The following MMS19 variants were observed in gnomAD, a reference collection of about 807,000 sequenced individuals.
The protein encoded by MMS19 is MMS19 cytosolic iron-sulfur assembly component, also known as MMS19 nucleotide excision repair protein homolog.
In MMS19, 77 loss-of-function variants were observed where a neutral mutation model predicts 129.8. The observed-to-expected ratio is 0.59, with a 90% CI of 0.49 to 0.72. MMS19 has a LOEUF of 0.72. Among genes scored for constraint, MMS19 ranks in the 30% least tolerant of loss-of-function variants. The pLI is 0.00. For synonymous variants in MMS19, 491 were observed against 502.8 expected, an observed-to-expected ratio of 0.98 and a Z score of 0.31; for missense variants, 1,168 against 1,266.3, an observed-to-expected ratio of 0.92 and a Z score of 1.18.
At chr10:97,478,662 A>T (rs1411817490) in intron 3 of MMS19, among the ~76,000 whole-genome samples, 4 of 152,232 alleles carry the variant, frequency 2.6e-5, no homozygotes, top group African/African-American at 9.6e-5. Context: ...ACTAGAGTTC[A>T]CAAATTTTTT....
intron 11 of MMS19, 134 bp downstream of exon 11, chr10:97,469,512 A>C: frequency 1.4e-6 from 1 of 697,886 alleles, no homozygotes; most frequent in South Asian, 1.8e-5. Flanking sequence ...ATGTCCCCCT[A>C]CTTGCCTCCT....
chr10:97,459,117 C>A (rs29001333), intron 29 of MMS19, 106 bp downstream of exon 29: 2 of 1,135,602 alleles, frequency 1.8e-6, no homozygotes, highest in Non-Finnish European at 2.5e-6. Flanking sequence ...TAATTCAGAT[C>A]TCAATTACAC....
chr10:97,465,341 C>A lies in MMS19; in HGVS notation c.1756+464G>T, dbSNP rs1413139288. Among the ~76,000 whole-genome samples, 5 of 152,010 alleles carry A rather than the reference C, an allele frequency of 3.3e-5. No homozygotes were observed. In the East Asian group the frequency reaches 5.8e-4, roughly 18 times the overall value. On this transcript the variant is annotated intron_variant, in intron 18 of 30. Coordinates refer to ENST00000438925, the MANE Select transcript of MMS19 (RefSeq NM_022362.5). ...ATAGAGTTTCACTCTATTGCCCAGG[C>A]TGGCCAGGCTGGAGTACAGTGGCGC...
At chr10:97,461,375 G>A in intron 23 of MMS19, 121 bp downstream of exon 23, 1 of 1,199,680 alleles carries the variant, frequency 8.3e-7, no homozygotes, top group East Asian at 2.6e-5. Context: ...CAGTGCTTGA[G>A]CAGTTGAAGC....
At chr10:97,473,707 G>A (rs2035204471) in intron 8 of MMS19, among the ~76,000 whole-genome samples, 1 of 152,056 alleles carries the variant, frequency 6.6e-6, no homozygotes, top group Non-Finnish European at 1.5e-5. Context: ...AAAATTATAT[G>A]AAATTCAAAG....
intron 12 of MMS19, 34 bp downstream of exon 12, chr10:97,468,932 T>G: frequency 6.4e-7 from 1 of 1,567,742 alleles, no homozygotes; most frequent in Non-Finnish European, 8.6e-7. Context: ...TCTATTGTGC[T>G]CACTCCCCTT....
At chr10:97,494,473 A>G (rs2039460952) in intron 1 of MMS19, among the ~76,000 whole-genome samples, 1 of 152,208 alleles carries the variant, frequency 6.6e-6, no homozygotes, top group Non-Finnish European at 1.5e-5. Context: ...AATCAGGACT[A>G]AGTTCCAATC....
At chr10:97,485,692 C>A (rs183822730) in intron 1 of MMS19, among the ~76,000 whole-genome samples, 1 of 152,312 alleles carries the variant, frequency 6.6e-6, no homozygotes, top group Non-Finnish European at 1.5e-5. Context: ...AGGTGATCCA[C>A]CCGCCTCTGC....
At chr10:97,462,231 G>A (rs2032182380) in intron 20 of MMS19, 112 bp from the exon 21 acceptor site, 1 of 718,428 alleles carries the variant, frequency 1.4e-6, no homozygotes, top group Non-Finnish European at 2.4e-6. Flanking sequence ...ACGTCAATGG[G>A]ACATGCCCTG....
rs533235811 is a variant in MMS19, at chr10:97,460,437, G to A, written c.2470-205C>T. On this transcript the variant is annotated intron_variant, in intron 25 of 30. Transcript: ENST00000438925. Reference sequence around the variant, plus strand: ...AATACAAACATTAGTTGGGTGTGGTGGGGTGCCCCTGTAGTCCCAGCTACT... The same window carrying A: ...AATACAAACATTAGTTGGGTGTGGTAGGGTGCCCCTGTAGTCCCAGCTACT... The A allele has an allele frequency of 3.7e-5, 23 of 620,530 alleles. No homozygotes were observed. In the South Asian group the frequency reaches 4.3e-4, roughly 12 times the overall value. 38.4% of individuals were successfully genotyped at this position (620,530 alleles called of 1,614,324 possible).
chr10:97,493,407 T>A (rs977197804), intron 1 of MMS19, among the ~76,000 whole-genome samples: 1 of 152,106 alleles, frequency 6.6e-6, no homozygotes, highest in African/African-American at 2.4e-5. Context: ...CAAGGCCCTG[T>A]TCGCTACAAA....
intron 18 of MMS19, 107 bp from the exon 19 acceptor site, chr10:97,464,120 A>G (rs544013922): frequency 1.3e-5 from 13 of 1,002,864 alleles, no homozygotes; most frequent in Non-Finnish European, 1.9e-5. Flanking sequence ...GAAGGGACCA[A>G]GAGTGCCTTA....
At chr10:97,466,666 C>A in intron 15 of MMS19, 81 bp from the exon 16 acceptor site, 1 of 1,588,306 alleles carries the variant, frequency 6.3e-7, no homozygotes, top group South Asian at 1.1e-5. Flanking sequence ...TTAGAAATCC[C>A]AAATCATCCA....
intron 8 of MMS19, among the ~76,000 whole-genome samples, chr10:97,472,992 G>C (rs918190100): frequency 2.6e-5 from 4 of 151,768 alleles, no homozygotes; most frequent in African/African-American, 9.7e-5. Flanking sequence ...CAAGTAGCTG[G>C]GACTGCAGAC....
chr10:97,489,813 A>G (rs1016522995), intron 1 of MMS19, among the ~76,000 whole-genome samples: 1 of 152,158 alleles, frequency 6.6e-6, no homozygotes, highest in Admixed American at 6.6e-5. Context: ...TCATGTTTAG[A>G]CTGGGGTTAT....
At chr10:97,497,426 CAA>C (rs1282105538) in intron 1 of MMS19, among the ~76,000 whole-genome samples, 1 of 151,914 alleles carries the variant, frequency 6.6e-6, no homozygotes, top group Non-Finnish European at 1.5e-5. Flanking sequence ...ACGAAATTTC[CAA>C]AGTTTTTTTA....
chr10:97,462,140 A>G (rs1313666746), intron 20 of MMS19, 21 bp from the exon 21 acceptor site: 1 of 1,522,456 alleles, frequency 6.6e-7, no homozygotes, highest in Admixed American at 1.9e-5. Flanking sequence ...AGTACTAGGT[A>G]TGACCAAGGA....
At chr10:97,479,883 GT>G (rs1282209175) in intron 3 of MMS19, among the ~76,000 whole-genome samples, 1 of 152,030 alleles carries the variant, frequency 6.6e-6, no homozygotes, top group African/African-American at 2.4e-5. Flanking sequence ...AGGAAAAGGG[GT>G]CCTTGGGAAG....
chr10:97,466,611 T>C, intron 15 of MMS19, 26 bp from the exon 16 acceptor site: 1 of 1,596,280 alleles, frequency 6.3e-7, no homozygotes. Context: ...AACATGAATC[T>C]CATCTTTCTT....
Sources: gnomAD v4.1 joint callset for allele counts (sites outside exome capture counted in the v4.1 genomes callset) on GRCh38, gnomAD v4.1.1 for gene constraint, MANE v1.5 for transcripts, NCBI Gene and HGNC (gene_info 2026-07-23, HGNC 2026-07-21) for gene names.